Variants in TRAPPC9 observed in about 807,000 individuals in gnomAD.
The protein encoded by TRAPPC9 is IKK2 binding protein.
Under a neutral mutation model 124.0 loss-of-function variants are expected in TRAPPC9, and 83 were observed. The ratio of observed to expected loss-of-function variants is 0.67; its 90% CI spans 0.56 to 0.80. The LOEUF is 0.80. Among genes scored for constraint, TRAPPC9 ranks in the 30% least tolerant of loss-of-function variants. The pLI is 0.00. For synonymous variants in TRAPPC9, 638 were observed against 617.5 expected (o/e 1.03, Z -0.49); for missense variants, 1,302 against 1,508.3 (o/e 0.86, Z 2.27).
chr8:139,782,288 G>A (rs778880972), intron 21 of TRAPPC9, among the ~76,000 whole-genome samples: 1 of 152,206 alleles, frequency 6.6e-6, no homozygotes, highest in Non-Finnish European at 1.5e-5. Context: ...GCTAAAGTAG[G>A]AGAATCAGTT....
chr8:140,262,755 T>C (rs896534056), intron 15 of TRAPPC9: 1 of 152,212 alleles, frequency 6.6e-6, no homozygotes, highest in African/African-American at 2.4e-5. Flanking sequence ...GTGACTGGCA[T>C]GTCAATGTGA....
chr8:140,278,206 C>T (rs184013385), intron 14 of TRAPPC9, among the ~76,000 whole-genome samples: 221 of 152,236 alleles, frequency 1.5e-3, no homozygotes, highest in African/African-American at 5.0e-3. Flanking sequence ...CGGGTTCAAG[C>T]GATTCTCCTG....
At chr8:140,432,371 TATAAAC>T (rs1262750747) in intron 4 of TRAPPC9, among the ~76,000 whole-genome samples, 1 of 152,116 alleles carries the variant, frequency 6.6e-6, no homozygotes, top group African/African-American at 2.4e-5. Flanking sequence ...CACCCCTAAA[TATAAAC>T]AGAAGACACA....
At chr8:140,397,558 T>C (rs1048319927) in intron 7 of TRAPPC9, 62 bp downstream of exon 7, 5 of 1,599,378 alleles carry the variant, frequency 3.1e-6, no homozygotes, top group East Asian at 2.2e-5. Flanking sequence ...GCTGAATTCA[T>C]AGTGAATCAA....
At chr8:140,432,638 C>T (rs2070684297) in intron 4 of TRAPPC9, among the ~76,000 whole-genome samples, 2 of 152,126 alleles carry the variant, frequency 1.3e-5, no homozygotes, top group Non-Finnish European at 1.5e-5. Flanking sequence ...TTTGGGAGGC[C>T]GAGGCGGGCA....
At position 140,181,316 on chromosome 8, in the gene TRAPPC9, A is replaced by G. The variant is rs967680393; in HGVS notation, c.2556+40143T>C. ...TGCTCTGTCACCCAGGATGGACTGC[A>G]GTGGTGTGATCTCAGCTCACTACAA... is the stretch of plus-strand genomic sequence containing the variant. On this transcript the variant is annotated intron_variant, in intron 17 of 22. Transcript: ENST00000438773. Among the ~76,000 whole-genome samples, 5 of 152,344 alleles carry G rather than the reference A, an allele frequency of 3.3e-5. No homozygotes were observed. In the East Asian group the frequency reaches 9.6e-4, roughly 29 times the overall value.
intron 17 of TRAPPC9, among the ~76,000 whole-genome samples, chr8:140,048,757 G>C (rs930956717): frequency 4.6e-5 from 7 of 152,138 alleles, no homozygotes; most frequent in African/African-American, 1.7e-4. Flanking sequence ...CAGCGTGAAG[G>C]GAGGGCACCC....
chr8:140,250,697 AACTT>A (rs1322509889), intron 16 of TRAPPC9, among the ~76,000 whole-genome samples: 2 of 152,134 alleles, frequency 1.3e-5, no homozygotes, highest in Admixed American at 1.3e-4. Flanking sequence ...TCTAAGGTAA[AACTT>A]ACCTTAGAGA....
chr8:139,901,495 G>T (rs1324317807), intron 20 of TRAPPC9, among the ~76,000 whole-genome samples: 2 of 152,150 alleles, frequency 1.3e-5, no homozygotes, highest in African/African-American at 2.4e-5. Context: ...CTGGACAGAA[G>T]ATGTCACACA....
intron 21 of TRAPPC9, 37 bp from the exon 22 acceptor site, chr8:139,732,239 C>G (rs775092251): frequency 2.0e-6 from 3 of 1,513,882 alleles, no homozygotes; most frequent in Admixed American, 3.9e-5. Context: ...GCTGGGCTGG[C>G]CTGCACGGCC....
chr8:140,319,617 C>G (rs975611263), intron 9 of TRAPPC9, among the ~76,000 whole-genome samples: 13 of 152,068 alleles, frequency 8.5e-5, no homozygotes, highest in Non-Finnish European at 1.5e-4. Flanking sequence ...CAGGTGTGCA[C>G]CACAACACCC....
intron 17 of TRAPPC9, among the ~76,000 whole-genome samples, chr8:140,169,384 G>A (rs1383375230): frequency 1.3e-5 from 2 of 152,130 alleles, no homozygotes; most frequent in East Asian, 3.9e-4. Context: ...CTCCTCAAAC[G>A]GTTCAACAGA....
At chr8:139,813,289 C>A (rs1454434338) in intron 21 of TRAPPC9, among the ~76,000 whole-genome samples, 1 of 152,234 alleles carries the variant, frequency 6.6e-6, no homozygotes, top group East Asian at 1.9e-4. Context: ...TGACAAGGCA[C>A]CTGCTGTGGG....
intron 17 of TRAPPC9, chr8:140,100,487 G>C (rs2060557607): frequency 6.6e-6 from 1 of 152,294 alleles, no homozygotes; most frequent in South Asian, 2.1e-4. Flanking sequence ...GCCGCAACAT[G>C]ATCCGCGTAG....
At chr8:139,743,774 A>G (rs1020988937) in intron 21 of TRAPPC9, among the ~76,000 whole-genome samples, 1 of 152,192 alleles carries the variant, frequency 6.6e-6, no homozygotes, top group Non-Finnish European at 1.5e-5. Context: ...CATCCCATAT[A>G]AAACCCTCTC....
At chr8:139,927,302 T>C (rs1176056388) in intron 19 of TRAPPC9, among the ~76,000 whole-genome samples, 1 of 152,106 alleles carries the variant, frequency 6.6e-6, no homozygotes, top group Non-Finnish European at 1.5e-5. Flanking sequence ...TGGAATGTGG[T>C]GGCACAGCCA....
intron 20 of TRAPPC9, chr8:139,908,635 C>T (rs191978044): frequency 1.3e-5 from 2 of 152,444 alleles, no homozygotes; most frequent in East Asian, 3.9e-4. Context: ...GTCCCTGGCC[C>T]TACCCCTCAT....
intron 21 of TRAPPC9, among the ~76,000 whole-genome samples, chr8:139,801,953 T>C (rs4736003): frequency 0.14 from 21,583 of 152,180 alleles, 1,814 homozygotes; most frequent in East Asian, 0.27. Flanking sequence ...ACATGGTTCC[T>C]GGACCTCTCC....
At chr8:139,763,626 ACACG>A (rs1203218564) in intron 21 of TRAPPC9, among the ~76,000 whole-genome samples, 1 of 150,884 alleles carries the variant, frequency 6.6e-6, no homozygotes, top group African/African-American at 2.4e-5. Context: ...ACACACACAC[ACACG>A]TGCACACATG....
Sources: gnomAD v4.1 joint callset for allele counts (sites outside exome capture counted in the v4.1 genomes callset) on GRCh38, gnomAD v4.1.1 for gene constraint, MANE v1.5 for transcripts, NCBI Gene and HGNC (gene_info 2026-07-23, HGNC 2026-07-21) for gene names.